Variants in SLC35F1 observed in about 807,000 individuals in gnomAD.
SLC35F1 encodes the protein chromosome 6 open reading frame 169.
Under a neutral mutation model 48.7 loss-of-function variants are expected in SLC35F1, and 14 were observed. The observed-to-expected ratio is 0.29, with a 90% CI of 0.19 to 0.45. The LOEUF is 0.45. Ranked by LOEUF, SLC35F1 falls within the 20% of genes least tolerant of loss-of-function variation. SLC35F1 has a pLI of 1.00. For synonymous variants in SLC35F1, 190 were observed against 202.2 expected (o/e 0.94, Z 0.51); for missense variants, 404 against 500.0 (o/e 0.81, Z 1.83).
At chr6:117,980,961 GA>G (rs924145267) in intron 1 of SLC35F1, among the ~76,000 whole-genome samples, 4 of 151,750 alleles carry the variant, frequency 2.6e-5, no homozygotes, top group South Asian at 2.1e-4. Flanking sequence ...TGAATTTTGG[GA>G]AAAAAAACCC....
intron 2 of SLC35F1, among the ~76,000 whole-genome samples, chr6:118,200,018 T>C (rs1297580261): frequency 6.6e-6 from 1 of 152,132 alleles, no homozygotes; most frequent in African/African-American, 2.4e-5. Flanking sequence ...GTAGGCAGTT[T>C]TGGGCTTGGG....
intron 1 of SLC35F1, among the ~76,000 whole-genome samples, chr6:117,951,827 G>A (rs796390165): frequency 1.7e-4 from 26 of 152,284 alleles, no homozygotes; most frequent in African/African-American, 6.3e-4. Flanking sequence ...AGTAGAGTGG[G>A]TGGGAGAGAA....
intron 7 of SLC35F1, among the ~76,000 whole-genome samples, chr6:118,300,485 C>T (rs1459216692): frequency 6.6e-6 from 1 of 152,100 alleles, no homozygotes; most frequent in African/African-American, 2.4e-5. Context: ...ACATTTGTTA[C>T]TTTTACCCAT....
Position 118,247,143 on chromosome 6 carries a change from T to C in SLC35F1, c.477+11507T>C, listed in dbSNP as rs137909543. Among the ~76,000 whole-genome samples, 172 of 152,376 alleles carry C rather than the reference T, an allele frequency of 1.1e-3. 1 individual carries two copies. Among genetic ancestry groups the C allele is most frequent in the Non-Finnish European group, 1.8e-3 (124 of 68,038 alleles). On this transcript the variant is annotated intron_variant, in intron 3 of 7. Transcript: ENST00000360388. Reference sequence around the variant, plus strand: ...TTTGCCTAACCATCCCATCTTCTTATACACTCTTACTCTTGGATAACAAAT... The same window carrying C: ...TTTGCCTAACCATCCCATCTTCTTACACACTCTTACTCTTGGATAACAAAT...
chr6:117,976,933 T>G (rs1438349366), intron 1 of SLC35F1, among the ~76,000 whole-genome samples: 1 of 152,216 alleles, frequency 6.6e-6, no homozygotes, highest in Non-Finnish European at 1.5e-5. Flanking sequence ...TTTGAAAATC[T>G]TAATATTATA....
At chr6:117,966,428 C>T (rs1316768020) in intron 1 of SLC35F1, among the ~76,000 whole-genome samples, 1 of 151,568 alleles carries the variant, frequency 6.6e-6, no homozygotes, top group Non-Finnish European at 1.5e-5. Flanking sequence ...AGACCACCAA[C>T]CCACCAGGAG....
At chr6:117,944,399 A>G (rs1776268530) in intron 1 of SLC35F1, among the ~76,000 whole-genome samples, 1 of 152,234 alleles carries the variant, frequency 6.6e-6, no homozygotes. Flanking sequence ...CATAGTATAA[A>G]TTTGGTTGTT....
intron 1 of SLC35F1, among the ~76,000 whole-genome samples, chr6:118,028,562 GT>G (rs1771992063): frequency 6.6e-6 from 1 of 152,074 alleles, no homozygotes; most frequent in African/African-American, 2.4e-5. Context: ...ATAGTGTTGA[GT>G]TTTAGAGTTC....
At chr6:117,918,697 G>A (rs1406400941) in intron 1 of SLC35F1, among the ~76,000 whole-genome samples, 2 of 152,118 alleles carry the variant, frequency 1.3e-5, no homozygotes, top group African/African-American at 2.4e-5. Flanking sequence ...GTGATGAGCA[G>A]AAAGAAGCTA....
Position 118,109,038 on chromosome 6 carries a change from G to A in SLC35F1, c.174-45407G>A, listed in dbSNP as rs192035409. On this transcript the variant is annotated intron_variant, in intron 1 of 7. Transcript: ENST00000360388. ...GTGAAAGCTAATGATGAAGAGTTTAGGAACAGATTAATTTAAAATGGAACT... is the reference window on the plus strand; with the variant it reads ...GTGAAAGCTAATGATGAAGAGTTTAAGAACAGATTAATTTAAAATGGAACT... 2.6e-5 allele frequency among the ~76,000 whole-genome samples: 4 copies of A among 152,242 alleles called. No homozygotes were observed. In the East Asian group the frequency reaches 7.7e-4, roughly 29 times the overall value.
intron 7 of SLC35F1, among the ~76,000 whole-genome samples, chr6:118,297,960 C>A (rs1275777429): frequency 6.6e-6 from 1 of 151,712 alleles, no homozygotes; most frequent in African/African-American, 2.4e-5. Context: ...GTAATGACTG[C>A]ATGCTCTGTG....
chr6:118,108,704 T>C (rs1773357164), intron 1 of SLC35F1, among the ~76,000 whole-genome samples: 1 of 152,130 alleles, frequency 6.6e-6, no homozygotes, highest in Non-Finnish European at 1.5e-5. Context: ...TGGGGAATTG[T>C]TTGGAGCTCA....
At chr6:118,023,037 C>T (rs1403102053) in intron 1 of SLC35F1, among the ~76,000 whole-genome samples, 1 of 152,214 alleles carries the variant, frequency 6.6e-6, no homozygotes, top group Non-Finnish European at 1.5e-5. Context: ...CGATTACAGG[C>T]GTGAGCCACC....
chr6:118,309,982 A>G (rs778636868), intron 7 of SLC35F1, among the ~76,000 whole-genome samples: 9 of 152,202 alleles, frequency 5.9e-5, no homozygotes, highest in African/African-American at 1.9e-4. Flanking sequence ...TGTGTTCTCA[A>G]AGAGATTCAT....
chr6:118,279,574 G>A (rs1164492277), intron 6 of SLC35F1, among the ~76,000 whole-genome samples: 2 of 152,208 alleles, frequency 1.3e-5, no homozygotes, highest in African/African-American at 2.4e-5. Context: ...GGGAAGAAGT[G>A]GAGACAATGG....
intron 1 of SLC35F1, among the ~76,000 whole-genome samples, chr6:118,069,052 G>C (rs914043707): frequency 6.6e-6 from 1 of 152,152 alleles, no homozygotes; most frequent in East Asian, 1.9e-4. Context: ...CCCTGTGTTA[G>C]ATTGAGATAG....
At chr6:118,030,579 G>A (rs942160240) in intron 1 of SLC35F1, among the ~76,000 whole-genome samples, 1 of 152,132 alleles carries the variant, frequency 6.6e-6, no homozygotes, top group South Asian at 2.1e-4. Flanking sequence ...TCATCCAGGA[G>A]TCTGGGGGCA....
chr6:118,314,639 A>G lies in SLC35F1; in HGVS notation c.*387A>G. ...GGAAACTATTGCCAGACCCACATGT[A>G]GTCAACATAAACCCCACTTTTCTAT... is the stretch of plus-strand genomic sequence containing the variant. On this transcript the variant is annotated 3_prime_UTR_variant, in exon 8 of 8. Transcript: ENST00000360388. 4.3e-6 allele frequency: 1 copy of G among 231,970 alleles called. No individual in the cohort carries two copies. The highest frequency in any genetic ancestry group is 8.7e-6 in the Non-Finnish European group (1 of 114,682). The allele number at this position is 231,970 out of a possible 1,614,324, so 14.4% of individuals were successfully genotyped here.
intron 2 of SLC35F1, among the ~76,000 whole-genome samples, chr6:118,161,365 G>A (rs1774230391): frequency 6.6e-6 from 1 of 151,910 alleles, no homozygotes; most frequent in Admixed American, 6.6e-5. Flanking sequence ...GCAGAAGCCC[G>A]AGTTCTGCTC....
Sources: allele counts gnomAD v4.1 joint callset (sites outside exome capture counted in the v4.1 genomes callset), GRCh38; gene constraint gnomAD v4.1.1; transcripts MANE v1.5; gene names NCBI Gene and HGNC (gene_info 2026-07-23, HGNC 2026-07-21).